Variants in SHANK2 observed in about 807,000 individuals in gnomAD.
SHANK2 encodes SH3 and multiple ankyrin repeat domains 2, also known as SH3 and multiple ankyrin repeat domains protein 2.
SHANK2 carries 43 observed loss-of-function variants against 133.7 expected under a neutral mutation model. That is an observed-to-expected ratio of 0.32 (90% confidence interval 0.25 to 0.41). The LOEUF (loss-of-function observed/expected upper bound fraction) is 0.41. Among genes scored for constraint, SHANK2 ranks in the 10% least tolerant of loss-of-function variants. The pLI, the probability that SHANK2 is intolerant of heterozygous loss-of-function variation, is 1.00. For synonymous variants in SHANK2, 1,017 were observed against 952.8 expected, an observed-to-expected ratio of 1.07 and a Z score of -1.24; for missense variants, 1,994 against 2,235.8, an observed-to-expected ratio of 0.89 and a Z score of 2.18.
chr11:70,781,755 C>T (rs1397820061), intron 14 of SHANK2, among the ~76,000 whole-genome samples: 3 of 99,114 alleles, frequency 3.0e-5, no homozygotes, highest in African/African-American at 1.2e-4. Context: ...CCACAACAGG[C>T]CCCAGTGTGA....
intron 17 of SHANK2, among the ~76,000 whole-genome samples, chr11:70,547,668 A>G (rs2059712019): frequency 6.6e-6 from 1 of 152,206 alleles, no homozygotes; most frequent in Non-Finnish European, 1.5e-5. Context: ...GCTATTCCTC[A>G]GTCTTGAGGA....
At chr11:70,606,957 A>C (rs2060587092) in intron 17 of SHANK2, among the ~76,000 whole-genome samples, 2 of 152,298 alleles carry the variant, frequency 1.3e-5, no homozygotes, top group African/African-American at 4.8e-5. Context: ...GTTCCCAGTC[A>C]TGTCGTCTGT....
At chr11:70,533,634 TTTC>T (rs1164732277) in intron 17 of SHANK2, among the ~76,000 whole-genome samples, 1 of 151,590 alleles carries the variant, frequency 6.6e-6, no homozygotes, top group Non-Finnish European at 1.5e-5. Flanking sequence ...GACATGCATA[TTTC>T]TTTAATTGAG....
chr11:70,766,668 C>T (rs1345045786), intron 14 of SHANK2, among the ~76,000 whole-genome samples: 8 of 152,264 alleles, frequency 5.3e-5, no homozygotes, highest in Middle Eastern at 3.4e-3. Flanking sequence ...TCAGAACAGA[C>T]GGGGCCGGAA....
At chr11:70,786,485 T>C (rs148726704) in intron 14 of SHANK2, among the ~76,000 whole-genome samples, 30 of 152,304 alleles carry the variant, frequency 2.0e-4, no homozygotes, top group Admixed American at 5.2e-4. Context: ...TGTATGCGTA[T>C]GGACTTTTAT....
intron 15 of SHANK2, among the ~76,000 whole-genome samples, chr11:70,695,228 G>A (rs1285714231): frequency 6.6e-6 from 1 of 152,154 alleles, no homozygotes; most frequent in African/African-American, 2.4e-5. Flanking sequence ...CTCTGGAGCT[G>A]GACGGTGGTG....
At chr11:70,941,675 T>C (rs1742952321) in intron 10 of SHANK2, among the ~76,000 whole-genome samples, 1 of 152,084 alleles carries the variant, frequency 6.6e-6, no homozygotes, top group African/African-American at 2.4e-5. Flanking sequence ...CTTTGCCACA[T>C]GAGGGCACAG....
At chr11:70,774,134 G>A (rs1947311926) in intron 14 of SHANK2, among the ~76,000 whole-genome samples, 1 of 152,200 alleles carries the variant, frequency 6.6e-6, no homozygotes, top group Non-Finnish European at 1.5e-5. Flanking sequence ...ATAAGAAGCA[G>A]TGAGATTCTG....
At chr11:70,862,602 ATGGACTGGACTGGCTGATGGAC>A (rs1368813570) in intron 11 of SHANK2, among the ~76,000 whole-genome samples, 184 of 150,932 alleles carry the variant, frequency 1.2e-3, no homozygotes, top group African/African-American at 3.4e-3. Flanking sequence ...TGGACTGCTG[ATGGACTGGACTGGCTGATGGAC>A]TGGACTGGAC....
chr11:70,529,023 T>C lies in SHANK2; in HGVS notation c.2062-26092A>G, dbSNP rs988991126. ...TCAATGTGATGATGGGGGCAGATCA[T>C]GGGGCATCCTGGAGCCTGGCTTGGG... On this transcript the variant is annotated intron_variant, in intron 17 of 25. Transcript: ENST00000601538. Among the ~76,000 whole-genome samples, 6 of 152,026 alleles carry C rather than the reference T, an allele frequency of 3.9e-5. No individual in the cohort carries two copies. In the South Asian group the frequency reaches 8.3e-4, roughly 21 times the overall value.
chr11:70,820,911 C>T (rs1948505950), intron 11 of SHANK2, among the ~76,000 whole-genome samples: 2 of 152,196 alleles, frequency 1.3e-5, no homozygotes, highest in Non-Finnish European at 2.9e-5. Context: ...ATCTCCACGG[C>T]ACGGAGCTCA....
At chr11:70,661,497 G>GTA (rs1158461838) in intron 16 of SHANK2, 99 bp downstream of exon 16, 45 of 1,044,934 alleles carry the variant, frequency 4.3e-5, no homozygotes, top group Admixed American at 8.0e-5. Flanking sequence ...TCATGCAGGC[G>GTA]TATACACACA....
intron 11 of SHANK2, among the ~76,000 whole-genome samples, chr11:70,849,493 A>T (rs1949051198): frequency 6.6e-6 from 1 of 152,262 alleles, no homozygotes; most frequent in Admixed American, 6.5e-5. Flanking sequence ...TAGTGTAGGA[A>T]GTGGGTGCCT....
At chr11:70,776,218 C>T (rs1409231541) in intron 14 of SHANK2, among the ~76,000 whole-genome samples, 1 of 152,222 alleles carries the variant, frequency 6.6e-6, no homozygotes, top group Non-Finnish European at 1.5e-5. Flanking sequence ...TTCTGGAACA[C>T]CCAAGAATCC....
Position 71,241,130 on chromosome 11 carries a change from G to A in SHANK2, c.-113+11295C>T, listed in dbSNP as rs982286646. 7.3e-4 allele frequency among the ~76,000 whole-genome samples: 111 copies of A among 152,264 alleles called. 1 individual carries two copies. The highest frequency in any genetic ancestry group is 2.0e-4 in the Admixed American group (3 of 15,296). ...TAGCTCTGTGCACGGTGAAAGCCCCGGGCTAGGCAACTTCTCCTCTAAGGA... is the reference window on the plus strand; with the variant it reads ...TAGCTCTGTGCACGGTGAAAGCCCCAGGCTAGGCAACTTCTCCTCTAAGGA... On this transcript the variant is annotated intron_variant, in intron 1 of 25. Transcript: ENST00000601538.
chr11:70,728,324 G>T (rs1339411077), intron 14 of SHANK2, among the ~76,000 whole-genome samples: 107 of 152,240 alleles, frequency 7.0e-4, no homozygotes, highest in Non-Finnish European at 1.5e-5. Context: ...AGGGACAGAG[G>T]TTTGTCTGCA....
At chr11:70,926,494 T>A (rs563849462) in intron 10 of SHANK2, among the ~76,000 whole-genome samples, 2 of 152,298 alleles carry the variant, frequency 1.3e-5, no homozygotes, top group Admixed American at 1.3e-4. Flanking sequence ...CAGACATGAA[T>A]GAAGTTTCTC....
chr11:70,819,126 G>C (rs370978578), intron 12 of SHANK2, among the ~76,000 whole-genome samples: 1 of 152,250 alleles, frequency 6.6e-6, no homozygotes, highest in African/African-American at 2.4e-5. Flanking sequence ...AGGGTCAGGG[G>C]CCTCAGCACT....
Position 71,113,354 on chromosome 11 carries a change from T to C in SHANK2, c.422A>G (p.Lys141Arg), listed in dbSNP as rs1555099783. 6.4e-7 allele frequency: 1 copy of C among 1,551,722 alleles called. No homozygotes were observed. The highest frequency in any genetic ancestry group is 2.0e-5 in the Admixed American group (1 of 51,006). The stretch of plus-strand genomic sequence containing the variant: ...ACTGGCTTGTTTATACACCCGCTTC[T>C]TGTATCGAAACTGGCACAGAAAACA... Reference protein sequence around the residue: ...EGVPSLEFRYKKRVYKQASLD... With the variant: ...EGVPSLEFRYRKRVYKQASLD... Residue 141 changes from lysine (K) to arginine (R), a missense_variant, in exon 5 of 26, where the codon AAG becomes AGG. Physicochemically the swap from Lys to Arg is conservative, Grantham distance 26. Transcript: ENST00000601538.
Sources: allele counts gnomAD v4.1 joint callset (sites outside exome capture counted in the v4.1 genomes callset), GRCh38; gene constraint gnomAD v4.1.1; transcripts MANE v1.5; gene names NCBI Gene and HGNC (gene_info 2026-07-23, HGNC 2026-07-21).